The following GFRA1 variants were observed in gnomAD, a reference collection of about 807,000 sequenced individuals.
GFRA1 encodes the protein GDNF family receptor alpha 1.
Under a neutral mutation model 51.6 loss-of-function variants are expected in GFRA1, and 16 were observed. That is an observed-to-expected ratio of 0.31 (90% CI 0.21 to 0.47). The LOEUF (loss-of-function observed/expected upper bound fraction) is 0.47, where lower values mean the gene tolerates loss of function less well. Among genes scored for constraint, GFRA1 ranks in the 20% least tolerant of loss-of-function variants. The probability of loss-of-function intolerance (pLI) is 1.00; values close to 1 mark genes in which losing one functional copy is unlikely to be tolerated. For synonymous variants in GFRA1, 270 were observed against 241.3 expected (o/e 1.12, Z -1.10); for missense variants, 530 against 594.3 (o/e 0.89, Z 1.13).
intron 5 of GFRA1, among the ~76,000 whole-genome samples, chr10:116,138,899 C>T (rs538156511): frequency 6.6e-6 from 1 of 152,176 alleles, no homozygotes; most frequent in African/African-American, 2.4e-5. Context: ...GGAAGGACGA[C>T]ACCAGTTAGC....
chr10:116,120,936 G>C lies in GFRA1; in HGVS notation c.770+4285C>G, dbSNP rs569871879. 4.6e-5 allele frequency among the ~76,000 whole-genome samples: 7 copies of C among 152,308 alleles called. No homozygotes were observed. The South Asian group carries it at 1.4e-3, about 32-fold the overall frequency. On this transcript the variant is annotated intron_variant, in intron 6 of 10. Coordinates refer to ENST00000355422, the MANE Select transcript of GFRA1 (RefSeq NM_005264.8). Reference sequence around the variant, plus strand: ...AGCTAAAGCTACCGGCAAGCGGGCGGCTTCGCAGGCTTGGGGGTCCCTCTT... The same window carrying C: ...AGCTAAAGCTACCGGCAAGCGGGCGCCTTCGCAGGCTTGGGGGTCCCTCTT...
In GFRA1 at chr10:116,064,353, G is replaced by A; in HGVS notation, c.*45C>T. ...CAAGAGAACAGGAAACAGATAACTT[G>A]GTTTTTGTCTTTTTACATGTCCATA... On this transcript the variant is annotated 3_prime_UTR_variant, in exon 11 of 11. Transcript: ENST00000355422. The A allele has an allele frequency of 1.3e-6, 2 of 1,547,378 alleles. No individual in the cohort carries two copies. The highest frequency in any genetic ancestry group is 2.3e-5 in the East Asian group (1 of 44,240).
At chr10:116,251,469 T>C (rs750636984) in intron 4 of GFRA1, among the ~76,000 whole-genome samples, 14 of 151,948 alleles carry the variant, frequency 9.2e-5, no homozygotes, top group African/African-American at 3.4e-4. Flanking sequence ...ATGCACAAAA[T>C]GTGTGAGGTT....
chr10:116,174,576 A>C (rs1777370359), intron 5 of GFRA1, among the ~76,000 whole-genome samples: 1 of 152,166 alleles, frequency 6.6e-6, no homozygotes, highest in African/African-American at 2.4e-5. Context: ...TTCTCACACT[A>C]ATAGGCTTCC....
In GFRA1 at chr10:116,059,856, G is replaced by C. The variant is rs1236713928; in HGVS notation, c.*4542C>G. 6.6e-6 allele frequency: 1 copy of C among 151,784 alleles called. No homozygotes were observed. The highest frequency in any genetic ancestry group is 1.5e-5 in the Non-Finnish European group (1 of 68,042). 9.4% of individuals were successfully genotyped at this position (151,784 alleles called of 1,614,324 possible). On this transcript the variant is annotated 3_prime_UTR_variant, in exon 11 of 11. Coordinates refer to ENST00000355422, the MANE Select transcript of GFRA1 (RefSeq NM_005264.8). ...TATTTGGGGATTAGCATCATCTTCA[G>C]ATCATCTGGCTCCTGAGAGAGGCTT...
intron 4 of GFRA1, among the ~76,000 whole-genome samples, chr10:116,231,716 C>T (rs982553429): frequency 3.9e-5 from 6 of 152,284 alleles, no homozygotes; most frequent in Non-Finnish European, 7.3e-5. Context: ...GATTCACCTG[C>T]TTAGTGAAGA....
intron 5 of GFRA1, among the ~76,000 whole-genome samples, chr10:116,160,152 TC>T (rs1959603989): frequency 6.6e-6 from 1 of 152,228 alleles, no homozygotes; most frequent in Non-Finnish European, 1.5e-5. Context: ...TTGGTTTTTG[TC>T]TTTTGGTTTT....
At chr10:116,255,214 C>T (rs1968732233) in intron 4 of GFRA1, among the ~76,000 whole-genome samples, 1 of 152,156 alleles carries the variant, frequency 6.6e-6, no homozygotes, top group Admixed American at 6.5e-5. Context: ...CACCAAAATG[C>T]ATGGAACATA....
At chr10:116,198,702 C>T (rs1589865464) in intron 5 of GFRA1, among the ~76,000 whole-genome samples, 1 of 152,126 alleles carries the variant, frequency 6.6e-6, no homozygotes, top group Non-Finnish European at 1.5e-5. Flanking sequence ...TGTCCACCAG[C>T]CCTGGACTCT....
At chr10:116,234,768 G>A (rs2134589703) in intron 4 of GFRA1, among the ~76,000 whole-genome samples, 1 of 152,262 alleles carries the variant, frequency 6.6e-6, no homozygotes, top group East Asian at 1.9e-4. Flanking sequence ...ATATGGTTTG[G>A]CTGTGTCCCT....
chr10:116,137,490 T>C (rs1027801430), intron 5 of GFRA1, among the ~76,000 whole-genome samples: 1 of 152,108 alleles, frequency 6.6e-6, no homozygotes, highest in Non-Finnish European at 1.5e-5. Flanking sequence ...TTCACCTGCT[T>C]CCCAATTAAT....
intron 7 of GFRA1, among the ~76,000 whole-genome samples, chr10:116,095,025 G>A (rs1956514849): frequency 6.6e-6 from 1 of 152,228 alleles, no homozygotes; most frequent in African/African-American, 2.4e-5. Flanking sequence ...GCAATGCATT[G>A]CCTCTGCCAT....
intron 6 of GFRA1, among the ~76,000 whole-genome samples, chr10:116,118,681 C>T (rs1365605252): frequency 3.3e-5 from 5 of 152,148 alleles, no homozygotes; most frequent in Non-Finnish European, 5.9e-5. Context: ...CACTCGAAGA[C>T]GATAAAAGAT....
chr10:116,140,154 T>G (rs1958501988), intron 5 of GFRA1, among the ~76,000 whole-genome samples: 1 of 151,984 alleles, frequency 6.6e-6, no homozygotes, highest in Non-Finnish European at 1.5e-5. Context: ...AAGGTAGAAG[T>G]GTGAAGGTGG....
At chr10:116,196,660 T>C (rs1474294545) in intron 5 of GFRA1, among the ~76,000 whole-genome samples, 1 of 30,662 alleles carries the variant, frequency 3.3e-5, no homozygotes, top group Non-Finnish European at 5.4e-5. Context: ...ATATATATAG[T>C]ACTATATATA....
chr10:116,105,609 A>AATT (rs1252918491), intron 6 of GFRA1, among the ~76,000 whole-genome samples: 2 of 152,052 alleles, frequency 1.3e-5, no homozygotes, highest in African/African-American at 2.4e-5. Context: ...AGAATATAAA[A>AATT]ATTAGTGAGA....
chr10:116,236,576 G>A (rs1169393613), intron 4 of GFRA1, among the ~76,000 whole-genome samples: 1 of 152,150 alleles, frequency 6.6e-6, no homozygotes, highest in Admixed American at 6.5e-5. Flanking sequence ...GAAAAATATT[G>A]AATAAACCCC....
intron 9 of GFRA1, among the ~76,000 whole-genome samples, chr10:116,078,561 C>T (rs1955712928): frequency 1.3e-5 from 2 of 152,200 alleles, no homozygotes; most frequent in African/African-American, 2.4e-5. Flanking sequence ...CAGCTTAACA[C>T]TTCTGCTAAG....
chr10:116,098,633 C>G (rs1012042572), intron 6 of GFRA1, among the ~76,000 whole-genome samples: 20 of 152,184 alleles, frequency 1.3e-4, no homozygotes, highest in Non-Finnish European at 2.8e-4. Flanking sequence ...CCTGGCAGCC[C>G]AATGCTCCCG....
Sources: allele counts gnomAD v4.1 joint callset (sites outside exome capture counted in the v4.1 genomes callset), GRCh38; gene constraint gnomAD v4.1.1; transcripts MANE v1.5; gene names NCBI Gene and HGNC (gene_info 2026-07-23, HGNC 2026-07-21).